RANBP17: variants seen among roughly 807,000 people sequenced by gnomAD.
RANBP17 encodes the protein RAN binding protein 17, also known as ran-binding protein 17.
A neutral mutation model predicts 141.2 loss-of-function variants in RANBP17; 158 were observed. The ratio of observed to expected loss-of-function variants is 1.12; its 90% CI spans 0.98 to 1.28. RANBP17 has a LOEUF of 1.28. RANBP17 is among the 50% of genes most tolerant of loss of function. The pLI is 0.00. For missense variants in RANBP17, 1,438 were observed against 1,290.7 expected (o/e 1.11, Z -1.75); for synonymous variants, 430 against 450.0 (o/e 0.96, Z 0.56).
chr5:171,271,412 C>G (rs1767111857), intron 25 of RANBP17: 1 of 209,784 alleles, frequency 4.8e-6, no homozygotes. Context: ...TTCCATAATA[C>G]TGAGTAGGAG....
At chr5:171,179,893 T>C (rs1760768800) in intron 16 of RANBP17, among the ~76,000 whole-genome samples, 1 of 152,180 alleles carries the variant, frequency 6.6e-6, no homozygotes, top group African/African-American at 2.4e-5. Context: ...GTAGTACTCC[T>C]GTAACCTAAG....
At chr5:171,078,711 G>T (rs1785086817) in intron 14 of RANBP17, among the ~76,000 whole-genome samples, 1 of 152,182 alleles carries the variant, frequency 6.6e-6, no homozygotes, top group Non-Finnish European at 1.5e-5. Context: ...GCAAAGTCTG[G>T]ATGACAGGAC....
chr5:170,956,186 C>G (rs1313510224), intron 13 of RANBP17, among the ~76,000 whole-genome samples: 2 of 151,820 alleles, frequency 1.3e-5, no homozygotes, highest in Non-Finnish European at 2.9e-5. Flanking sequence ...AAAATTATTT[C>G]ATCTTTTTTC....
rs1051451403 is a variant in RANBP17, at chr5:170,991,372, G to C, written c.1710+22995G>C. 2.3e-4 allele frequency among the ~76,000 whole-genome samples: 35 copies of C among 151,960 alleles called. 1 individual carries two copies. Among genetic ancestry groups the C allele is most frequent in the Non-Finnish European group, 5.9e-5 (4 of 67,908 alleles). The stretch of plus-strand genomic sequence containing the variant: ...CTGTTATTTGTTATAATAAGACAAT[G>C]ATGATTATTTATTTTGAATTTTTAA... On this transcript the variant is annotated intron_variant, in intron 14 of 27. Transcript: ENST00000523189.
At position 171,137,604 on chromosome 5, in the gene RANBP17, GTC is replaced by G. The variant is rs1554103793; in HGVS notation, c.1711-32524_1711-32523del. ...TGTGTGTGTGTGTGTGTGTGTGTGTGTCTGTGTGTGTGTGTGTGTGTCTGTGT... is the reference window on the plus strand; with the variant it reads ...TGTGTGTGTGTGTGTGTGTGTGTGTGTGTGTGTGTGTGTGTGTGTCTGTGT... On this transcript the variant is annotated intron_variant, in intron 14 of 27. Transcript: ENST00000523189. Among the ~76,000 whole-genome samples the G allele has an allele frequency of 5.1e-3, 726 of 142,090 alleles. 1 individual carries two copies. Among genetic ancestry groups the G allele is most frequent in the African/African-American group, 0.014 (499 of 35,454 alleles). The allele number at this position is 142,090 out of a possible 152,430, so 93.2% of individuals were successfully genotyped here.
chr5:171,086,661 C>G (rs1326066319), intron 14 of RANBP17, among the ~76,000 whole-genome samples: 72 of 150,326 alleles, frequency 4.8e-4, no homozygotes, highest in African/African-American at 1.7e-3. Context: ...GGTCTATTCA[C>G]AGATTCAACT....
At chr5:170,939,352 AATTTT>A (rs1219762684) in intron 12 of RANBP17, among the ~76,000 whole-genome samples, 8 of 149,620 alleles carry the variant, frequency 5.3e-5, no homozygotes, top group Admixed American at 3.3e-4. Flanking sequence ...TAAACTCAAA[AATTTT>A]ATTTTATTTA....
chr5:171,195,864 A>G (rs965950904), intron 18 of RANBP17, among the ~76,000 whole-genome samples: 3 of 152,210 alleles, frequency 2.0e-5, no homozygotes, highest in Non-Finnish European at 2.9e-5. Flanking sequence ...AACAGTAATG[A>G]CTTGCAACAG....
intron 14 of RANBP17, chr5:170,968,771 T>C (rs555252858): frequency 2.2e-6 from 1 of 453,494 alleles, no homozygotes; most frequent in Admixed American, 2.4e-5. Context: ...TTGGCATTTG[T>C]ACATGATTAA....
chr5:171,205,459 A>ATTATTACTCCATCTGCTCTGCGCTAAC (rs1762523299), intron 19 of RANBP17, 65 bp from the exon 20 acceptor site: 1 of 1,320,962 alleles, frequency 7.6e-7, no homozygotes, highest in Non-Finnish European at 1.1e-6. Flanking sequence ...TTATTGCCTG[A>ATTATTACTCCATCTGCTCTGCGCTAAC]TTATTACTCC....
intron 14 of RANBP17, among the ~76,000 whole-genome samples, chr5:170,979,979 T>C (rs921081609): frequency 6.6e-6 from 1 of 152,176 alleles, no homozygotes; most frequent in Admixed American, 6.5e-5. Context: ...ATTGATTGGC[T>C]TTGACCAAAA....
intron 14 of RANBP17, among the ~76,000 whole-genome samples, chr5:171,124,388 T>C (rs1756273618): frequency 6.6e-6 from 1 of 152,080 alleles, no homozygotes; most frequent in Non-Finnish European, 1.5e-5. Flanking sequence ...ATACCCTAAT[T>C]TTGTTAATTT....
intron 5 of RANBP17, among the ~76,000 whole-genome samples, chr5:170,905,496 G>A (rs1176827600): frequency 6.6e-6 from 1 of 152,098 alleles, no homozygotes; most frequent in African/African-American, 2.4e-5. Flanking sequence ...TCAGGAATTA[G>A]AAAATATTTT....
chr5:170,968,613 A>G (rs760931044), intron 14 of RANBP17: 10 of 570,380 alleles, frequency 1.8e-5, no homozygotes, highest in Non-Finnish European at 2.9e-5. Context: ...ATGGATGGTC[A>G]TTAAACAGTT....
chr5:171,139,609 T>C (rs902580694), intron 14 of RANBP17, among the ~76,000 whole-genome samples: 1 of 152,226 alleles, frequency 6.6e-6, no homozygotes, highest in African/African-American at 2.4e-5. Flanking sequence ...AGTTCTACTA[T>C]ATATTTTTTG....
At chr5:171,087,555 A>G (rs972756297) in intron 14 of RANBP17, among the ~76,000 whole-genome samples, 13 of 151,690 alleles carry the variant, frequency 8.6e-5, no homozygotes, top group Non-Finnish European at 1.5e-4. Flanking sequence ...TCTAATGTTG[A>G]CAGTGGGGTG....
At chr5:170,969,301 G>A (rs902647511) in intron 14 of RANBP17, among the ~76,000 whole-genome samples, 1 of 151,462 alleles carries the variant, frequency 6.6e-6, no homozygotes, top group South Asian at 2.1e-4. Context: ...TATCATTTAG[G>A]ATTAATATCA....
Position 170,909,643 on chromosome 5 carries a change from T to G in RANBP17, c.490-18T>G. 7.9e-7 allele frequency: 1 copy of G among 1,272,972 alleles called. No individual in the cohort carries two copies. Among genetic ancestry groups the G allele is most frequent in the African/African-American group, 1.5e-5 (1 of 66,208 alleles). 78.9% of individuals were successfully genotyped at this position (1,272,972 alleles called of 1,614,324 possible). On this transcript the variant is annotated intron_variant, in intron 5 of 27. Transcript: ENST00000523189. ...TTTCATAGGTCTGGTTAAACTAATT[T>G]CATCTTTATCTTTTTAGGTTGATTA...
chr5:171,243,104 T>G, intron 24 of RANBP17: 1 of 331,042 alleles, frequency 3.0e-6, no homozygotes, highest in Non-Finnish European at 5.5e-6. Flanking sequence ...TGTGTACATG[T>G]ACACAAACAT....
Sources: allele counts gnomAD v4.1 joint callset (sites outside exome capture counted in the v4.1 genomes callset), GRCh38; gene constraint gnomAD v4.1.1; transcripts MANE v1.5; gene names NCBI Gene and HGNC (gene_info 2026-07-23, HGNC 2026-07-21).